The following ZNF276 variants were observed in gnomAD, a reference collection of about 807,000 sequenced individuals.
The protein encoded by ZNF276 is centromere protein Z.
ZNF276 carries 59 observed loss-of-function variants against 63.9 expected under a neutral mutation model. That is an observed-to-expected ratio of 0.92 (90% CI 0.75 to 1.15). ZNF276 has a LOEUF of 1.15. Ranked by LOEUF, ZNF276 falls within the 50% of genes most tolerant of loss-of-function variation. ZNF276 has a pLI of 0.00. For synonymous variants in ZNF276, 496 were observed against 348.4 expected (o/e 1.42, Z -4.72); for missense variants, 1,084 against 843.8 (o/e 1.28, Z -3.53).
chr16:89,722,433 G>A, intron 1 of ZNF276, 98 bp from the exon 2 acceptor site: 1 of 1,392,328 alleles, frequency 7.2e-7, no homozygotes, highest in Non-Finnish European at 9.7e-7. Context: ...GCCGCGCGAA[G>A]GGCGCTGCAG....
chr16:89,737,950 CCTT>C (rs771351336), intron 10 of ZNF276, 23 bp from the exon 11 acceptor site: 16 of 1,614,024 alleles, frequency 9.9e-6, no homozygotes, highest in Non-Finnish European at 1.4e-5. Flanking sequence ...GGCCCTCGCA[CCTT>C]CTTATCTGCC....
chr16:89,737,061 G>T (rs2061945015), intron 9 of ZNF276, among the ~76,000 whole-genome samples: 1 of 152,174 alleles, frequency 6.6e-6, no homozygotes, highest in Non-Finnish European at 1.5e-5. Context: ...GGACTAGCAA[G>T]TGAGATCTCT....
Position 89,740,025 on chromosome 16 carries a change from G to A in ZNF276, c.*1779G>A. The A allele has an allele frequency of 6.2e-7, 1 of 1,614,178 alleles. No homozygotes were observed. The highest frequency in any genetic ancestry group is 8.5e-7 in the Non-Finnish European group (1 of 1,180,018). On this transcript the variant is annotated 3_prime_UTR_variant, in exon 11 of 11. Transcript: ENST00000443381. ...CTGTCAACTGAAAGAGTGCCAGCCAGGATATCTTCCTCTTCTCTAAACACT... is the reference window on the plus strand; with the variant it reads ...CTGTCAACTGAAAGAGTGCCAGCCAAGATATCTTCCTCTTCTCTAAACACT...
In ZNF276 at chr16:89,723,413, G is replaced by C; in HGVS notation, c.710G>C (p.Gly237Ala). Residue 237 changes from glycine to alanine, a missense_variant, in exon 4 of 11, where the codon GGC becomes GCC. Transcript: ENST00000443381. ...VIQVVWGCDQ[G>A]HDYTMDTSSS... ...CAGGTCGTGTGGGGCTGCGACCAGG[G>C]CCACGACTACACCATGGATACCAGC... is the stretch of plus-strand genomic sequence containing the variant. 6.2e-7 allele frequency: 1 copy of C among 1,612,970 alleles called. No homozygotes were observed. Among genetic ancestry groups the C allele is most frequent in the Non-Finnish European group, 8.5e-7 (1 of 1,179,996 alleles).
chr16:89,739,167 G>A lies in ZNF276; in HGVS notation c.*921G>A, dbSNP rs760814763. 7.4e-6 allele frequency: 12 copies of A among 1,614,052 alleles called. No homozygotes were observed. In the African/African-American group the frequency reaches 1.1e-4, roughly 14 times the overall value. On this transcript the variant is annotated 3_prime_UTR_variant, in exon 11 of 11. Coordinates refer to ENST00000443381, the MANE Select transcript of ZNF276 (RefSeq NM_001113525.2). ...GAGCTCCAGGCTCCTGCCAGCTGGAGGTGAAACTGTGCTTGTATCCCCAGC... is the reference window on the plus strand; with the variant it reads ...GAGCTCCAGGCTCCTGCCAGCTGGAAGTGAAACTGTGCTTGTATCCCCAGC...
intron 6 of ZNF276, among the ~76,000 whole-genome samples, chr16:89,730,632 G>A (rs980203717): frequency 2.6e-5 from 4 of 152,152 alleles, no homozygotes; most frequent in Non-Finnish European, 5.9e-5. Context: ...GTTTTCAGAG[G>A]TCTCTAATAA....
chr16:89,725,823 TTTAAG>T (rs1314381520), intron 4 of ZNF276, among the ~76,000 whole-genome samples: 2 of 152,086 alleles, frequency 1.3e-5, no homozygotes, highest in Non-Finnish European at 2.9e-5. Context: ...GAAAACTTAT[TTTAAG>T]TAGAGACAGG....
chr16:89,736,394 A>C (rs541167814), intron 9 of ZNF276, among the ~76,000 whole-genome samples: 1 of 147,856 alleles, frequency 6.8e-6, no homozygotes, highest in East Asian at 2.0e-4. Flanking sequence ...GTGCAATCTC[A>C]GCTCACTGCA....
At position 89,733,314 on chromosome 16, in the gene ZNF276, G is replaced by T. The variant is rs750550844; in HGVS notation, c.1182G>T (p.Lys394Asn). ...CTCTTTTTTTCAGAGTCTCTGGTAA[G>T]AAGAGTGAAAGCAAAGAAGCCAAGA... ...EPYPERKVSG[K>N]KSESKEAKKS... Residue 394 changes from lysine to asparagine, a missense_variant, in exon 7 of 11, where the codon AAG (lysine) becomes AAT (asparagine). Coordinates refer to ENST00000443381, the MANE Select transcript of ZNF276 (RefSeq NM_001113525.2). 4.3e-6 allele frequency: 7 copies of T among 1,614,026 alleles called. No individual in the cohort carries two copies. The highest frequency in any genetic ancestry group is 5.1e-6 in the Non-Finnish European group (6 of 1,179,976).
At position 89,729,265 on chromosome 16, in the gene ZNF276, G is replaced by A. The variant is rs1381380854; in HGVS notation, c.1116G>A (p.Lys372=). The change falls in exon 6 of 11, where the codon AAG becomes AAA. Residue 372 remains lysine, a synonymous_variant. Transcript: ENST00000443381. ...TCTTGAGTGAAGATGAAAATGACAAGAAGCAAAATGCCCAGTCTTCGGACG... is the reference window on the plus strand; with the variant it reads ...TCTTGAGTGAAGATGAAAATGACAAAAAGCAAAATGCCCAGTCTTCGGACG... ...GDVLSEDEND[K]KQNAQSSDES... is the part of the protein sequence containing the mutation. The A allele has an allele frequency of 6.2e-7, 1 of 1,614,160 alleles. No individual in the cohort carries two copies.
rs367970303 is a variant in ZNF276 at position 89,739,155 on chromosome 16, C to A, written c.*909C>A. On this transcript the variant is annotated 3_prime_UTR_variant, in exon 11 of 11. Transcript: ENST00000443381. ...TGCCTGACCCTTGAGCTCCAGGCTCCTGCCAGCTGGAGGTGAAACTGTGCT... is the reference window on the plus strand; with the variant it reads ...TGCCTGACCCTTGAGCTCCAGGCTCATGCCAGCTGGAGGTGAAACTGTGCT... 9.9e-6 allele frequency: 16 copies of A among 1,614,042 alleles called. No homozygotes were observed. Among genetic ancestry groups the A allele is most frequent in the African/African-American group, 1.3e-5 (1 of 74,936 alleles).
At position 89,739,527 on chromosome 16, in the gene ZNF276, G is replaced by T. The variant is rs755375493; in HGVS notation, c.*1281G>T. 1.2e-5 allele frequency: 18 copies of T among 1,551,144 alleles called. No individual in the cohort carries two copies. Among genetic ancestry groups the T allele is most frequent in the Middle Eastern group, 3.4e-4 (2 of 5,932 alleles). ...CTGGTGTGCTGATCCGGGGCCACAC[G>T]GAGGAGGAGCCGCCCCAGCCTGAGG... On this transcript the variant is annotated 3_prime_UTR_variant, in exon 11 of 11. Transcript: ENST00000443381.
At chr16:89,720,750 C>A (rs995451064), upstream of ZNF276, 14 of 1,438,618 alleles carry the variant, frequency 9.7e-6, no homozygotes, top group Non-Finnish European at 1.2e-5. Flanking sequence ...GCCCCGCCCC[C>A]GCCCCGCCTC....
At position 89,739,947 on chromosome 16, in the gene ZNF276, G is replaced by GA. The variant is rs1567594853; in HGVS notation, c.*1705dup. ...TCTTAACCATTTGCAAGATGCCTCTGAAAAGAGCGGCCCTCCGCATTTGTG... is the reference window on the plus strand; with the variant it reads ...TCTTAACCATTTGCAAGATGCCTCTGAAAAAGAGCGGCCCTCCGCATTTGTG... On this transcript the variant is annotated 3_prime_UTR_variant, in exon 11 of 11. Transcript: ENST00000443381. 2 of 1,609,600 alleles carry GA rather than the reference G, an allele frequency of 1.2e-6. No homozygotes were observed. The highest frequency in any genetic ancestry group is 3.3e-5 in the Admixed American group (2 of 59,836).
chr16:89,727,236 G>T, intron 4 of ZNF276, 43 bp from the exon 5 acceptor site: 1 of 1,589,066 alleles, frequency 6.3e-7, no homozygotes. Flanking sequence ...AGACCTTTCT[G>T]TGCTCCGTGT....
chr16:89,726,885 C>T (rs1388153003), intron 4 of ZNF276, among the ~76,000 whole-genome samples: 1 of 152,142 alleles, frequency 6.6e-6, no homozygotes, highest in Non-Finnish European at 1.5e-5. Context: ...ACCTCGTGAT[C>T]CACCTGCATC....
At chr16:89,737,204 C>T (rs2061954803) in intron 9 of ZNF276, among the ~76,000 whole-genome samples, 2 of 152,150 alleles carry the variant, frequency 1.3e-5, no homozygotes, top group Non-Finnish European at 2.9e-5. Flanking sequence ...GTATTCTATA[C>T]AACCTTAGTG....
In ZNF276 at chr16:89,738,473, G is replaced by A; in HGVS notation, c.*227G>A. On this transcript the variant is annotated 3_prime_UTR_variant, in exon 11 of 11. Coordinates refer to ENST00000443381, the MANE Select transcript of ZNF276 (RefSeq NM_001113525.2). ...GGGGCCGGACAGTTCATAAATAATT[G>A]ATTCCTTTCCCCACTAAAGCAGTCG... 6.8e-7 allele frequency: 1 copy of A among 1,466,878 alleles called. No homozygotes were observed. 90.9% of individuals were successfully genotyped at this position (1,466,878 alleles called of 1,614,324 possible).
chr16:89,721,706 C>T lies in ZNF276; in HGVS notation c.66C>T (p.Asp22=), dbSNP rs2061283635. Residue 22 remains aspartate (D), a synonymous_variant, in exon 1 of 11, where the codon GAC becomes GAT. Transcript: ENST00000443381. ...PGSSRQCGAS[D]GGGGVSRTRG... is the part of the protein sequence containing the mutation. The stretch of plus-strand genomic sequence containing the variant: ...CGTCCCGACAGTGCGGGGCCTCGGA[C>T]GGCGGCGGCGGCGTCAGCCGGACTC... 5 of 1,366,394 alleles carry T rather than the reference C, an allele frequency of 3.7e-6. No individual in the cohort carries two copies. Among genetic ancestry groups the T allele is most frequent in the Non-Finnish European group, 4.7e-6 (5 of 1,060,502 alleles). 84.6% of individuals were successfully genotyped at this position (1,366,394 alleles called of 1,614,324 possible).
Sources: gnomAD v4.1 joint callset for allele counts (sites outside exome capture counted in the v4.1 genomes callset) on GRCh38, gnomAD v4.1.1 for gene constraint, MANE v1.5 for transcripts, NCBI Gene and HGNC (gene_info 2026-07-23, HGNC 2026-07-21) for gene names.